ARRB1: variants seen among roughly 807,000 people sequenced by gnomAD.
ARRB1 encodes beta-arrestin-1.
Under a neutral mutation model 56.8 loss-of-function variants are expected in ARRB1, and 21 were observed. That is an observed-to-expected ratio of 0.37 (90% CI 0.26 to 0.53). ARRB1 has a LOEUF of 0.53. Among genes scored for constraint, ARRB1 ranks in the 20% least tolerant of loss-of-function variants. The probability of loss-of-function intolerance (pLI) is 0.88; values close to 1 mark genes in which losing one functional copy is unlikely to be tolerated. For synonymous variants in ARRB1, 210 were observed against 218.6 expected, an observed-to-expected ratio of 0.96 and a Z score of 0.35; for missense variants, 424 against 553.7, an observed-to-expected ratio of 0.77 and a Z score of 2.35.
At chr11:75,293,175 C>CT (rs1946648672) in intron 1 of ARRB1, among the ~76,000 whole-genome samples, 1 of 152,152 alleles carries the variant, frequency 6.6e-6, no homozygotes, top group African/African-American at 2.4e-5. Flanking sequence ...AAGCAGGACT[C>CT]TGATGGCTTC....
chr11:75,321,336 A>C (rs569136339), intron 1 of ARRB1, among the ~76,000 whole-genome samples: 1 of 144,044 alleles, frequency 6.9e-6, no homozygotes, highest in African/African-American at 2.6e-5. Flanking sequence ...TGGGAGGCAG[A>C]AGCTGTGGTC....
chr11:75,283,818 G>A (rs1349304945), intron 4 of ARRB1, among the ~76,000 whole-genome samples: 1 of 152,152 alleles, frequency 6.6e-6, no homozygotes, highest in African/African-American at 2.4e-5. Context: ...GGTGGGGGTA[G>A]GGGACCTGGG....
rs1946101780 is a variant in ARRB1, at chr11:75,272,881, G to A, written c.998+14C>T. 1 of 1,613,730 alleles carries A rather than the reference G, an allele frequency of 6.2e-7. No individual in the cohort carries two copies. Among genetic ancestry groups the A allele is most frequent in the African/African-American group, 1.3e-5 (1 of 75,022 alleles). ...TCTGCACTCCGGGGTCTTGGGCTTG[G>A]CTGGAGCACTCACCCGCCCCGAGAC... On this transcript the variant is annotated intron_variant, in intron 12 of 15. Transcript: ENST00000420843.
chr11:75,303,748 G>A (rs1162306680), intron 1 of ARRB1: 8 of 452,858 alleles, frequency 1.8e-5, no homozygotes, highest in Middle Eastern at 3.6e-4. Context: ...GCCCAGTTCC[G>A]TTCCAGGCAC....
chr11:75,276,191 C>A (rs1291966671), intron 10 of ARRB1, among the ~76,000 whole-genome samples: 1 of 133,562 alleles, frequency 7.5e-6, no homozygotes, highest in Non-Finnish European at 1.6e-5. Flanking sequence ...ATAATTGCCC[C>A]AAGAAATTAC....
In ARRB1 at chr11:75,266,344, G is replaced by A. The variant is rs1945912376; in HGVS notation, c.1146-70C>T. On this transcript the variant is annotated intron_variant, in intron 15 of 15. Transcript: ENST00000420843. ...GGAGAGTAGGCTTATCCAGAGGCCC[G>A]GCCAGATGTGACTCAGAGTATGGCT... 1.2e-5 allele frequency: 15 copies of A among 1,279,284 alleles called. No individual in the cohort carries two copies. In the East Asian group the frequency reaches 2.1e-4, roughly 18 times the overall value. The allele number at this position is 1,279,284 out of a possible 1,614,324, so 79.2% of individuals were successfully genotyped here.
chr11:75,269,372 G>A (rs1187308963), intron 13 of ARRB1, among the ~76,000 whole-genome samples: 1 of 152,064 alleles, frequency 6.6e-6, no homozygotes, highest in Admixed American at 6.5e-5. Flanking sequence ...CCAGGTCGGA[G>A]CTCCTCCCAC....
At chr11:75,329,862 C>T (rs1277797561) in intron 1 of ARRB1, among the ~76,000 whole-genome samples, 1 of 152,114 alleles carries the variant, frequency 6.6e-6, no homozygotes, top group Non-Finnish European at 1.5e-5. Context: ...GGCATGGTAG[C>T]ACATACCTGT....
rs187481184 is a variant in ARRB1 at position 75,274,624 on chromosome 11, T to C, written c.777-413A>G. On this transcript the variant is annotated intron_variant, in intron 10 of 15. Transcript: ENST00000420843. Reference sequence around the variant, plus strand: ...GGCTAACAAGGTGAAACCCCGTCTCTACTAAAAATACAAAAAAATTAGCCG... The same window carrying C: ...GGCTAACAAGGTGAAACCCCGTCTCCACTAAAAATACAAAAAAATTAGCCG... 328 of 158,384 alleles carry C rather than the reference T, an allele frequency of 2.1e-3. 1 individual carries two copies. Among genetic ancestry groups the C allele is most frequent in the African/African-American group, 7.5e-3 (311 of 41,640 alleles). 9.8% of individuals were successfully genotyped at this position (158,384 alleles called of 1,614,324 possible).
chr11:75,284,458 C>T, intron 3 of ARRB1, 179 bp from the exon 4 acceptor site: 1 of 526,418 alleles, frequency 1.9e-6, no homozygotes, highest in South Asian at 4.3e-5. Flanking sequence ...TCCACCCTTC[C>T]CCCATCCCAG....
intron 1 of ARRB1, among the ~76,000 whole-genome samples, chr11:75,293,596 C>A (rs1946658143): frequency 6.6e-6 from 1 of 152,322 alleles, no homozygotes; most frequent in Middle Eastern, 3.4e-3. Flanking sequence ...CCAGCCCCAT[C>A]TATGCCCCAC....
intron 1 of ARRB1, among the ~76,000 whole-genome samples, chr11:75,302,612 G>C (rs1402327998): frequency 3.3e-5 from 5 of 152,168 alleles, no homozygotes; most frequent in African/African-American, 1.2e-4. Context: ...CTGAGTCTCT[G>C]CTTGAGCCCA....
chr11:75,327,772 A>G (rs1947465324), intron 1 of ARRB1, among the ~76,000 whole-genome samples: 1 of 151,940 alleles, frequency 6.6e-6, no homozygotes. Context: ...TAATTTTAGT[A>G]GAGACGGGGT....
intron 1 of ARRB1, among the ~76,000 whole-genome samples, chr11:75,334,549 C>T (rs545230068): frequency 2.0e-5 from 3 of 152,328 alleles, no homozygotes; most frequent in Admixed American, 2.0e-4. Flanking sequence ...CAGCTTTCAT[C>T]AGCATTTCCT....
rs1162330678 is a variant in ARRB1, at chr11:75,284,276, C to T, written c.116G>A (p.Gly39Asp). The change falls in exon 4 of 16, where the codon GGT becomes GAT. Residue 39 changes from glycine (G) to aspartate (D), a missense_variant. Gly to Asp is a moderately conservative substitution (Grantham distance 94, BLOSUM62 -1). Transcript: ENST00000420843. ...ATACTCAGGATCCACCAGGACCACA[C>T]CATCTGGGGAAAGGACAGAGAGTAA... Reference protein sequence around the residue: ...DHIDLVDPVDGVVLVDPEYLK... With the variant: ...DHIDLVDPVDDVVLVDPEYLK... 3 of 1,607,726 alleles carry T rather than the reference C, an allele frequency of 1.9e-6. No homozygotes were observed. The highest frequency in any genetic ancestry group is 8.5e-7 in the Non-Finnish European group (1 of 1,175,648).
chr11:75,313,118 C>T (rs1232557720), intron 1 of ARRB1, among the ~76,000 whole-genome samples: 1 of 152,084 alleles, frequency 6.6e-6, no homozygotes, highest in Non-Finnish European at 1.5e-5. Context: ...TTTGGGAGGC[C>T]AAGGCGGGCA....
rs1945829509 is a variant in ARRB1, at chr11:75,262,891, G to A, written c.*3272C>T. ...CCACTCTAGCAGGTCTGAGCTTTGA[G>A]GCTGAGGAGAGGTGCAGCCAAATAA... is the stretch of plus-strand genomic sequence containing the variant. On this transcript the variant is annotated 3_prime_UTR_variant, in exon 16 of 16. Transcript: ENST00000420843. Among the ~76,000 whole-genome samples the A allele has an allele frequency of 6.6e-6, 1 of 152,220 alleles. No homozygotes were observed. Among genetic ancestry groups the A allele is most frequent in the African/African-American group, 2.4e-5 (1 of 41,444 alleles).
intron 1 of ARRB1, among the ~76,000 whole-genome samples, chr11:75,320,290 G>C (rs1217079145): frequency 1.3e-5 from 2 of 152,136 alleles, no homozygotes; most frequent in African/African-American, 4.8e-5. Context: ...AGTGGAGCCA[G>C]GCTGGCGGAG....
intron 1 of ARRB1, among the ~76,000 whole-genome samples, chr11:75,337,430 G>A (rs1355590757): frequency 6.6e-6 from 1 of 152,238 alleles, no homozygotes; most frequent in East Asian, 1.9e-4. Flanking sequence ...GGACCAGGAA[G>A]GAAGTAAGAA....
Sources: allele counts gnomAD v4.1 joint callset (sites outside exome capture counted in the v4.1 genomes callset), GRCh38; gene constraint gnomAD v4.1.1; transcripts MANE v1.5; gene names NCBI Gene and HGNC (gene_info 2026-07-23, HGNC 2026-07-21).